STK40: variants seen among roughly 807,000 people sequenced by gnomAD.
STK40 encodes the protein serine/threonine kinase 40, also known as serine/threonine-protein kinase 40.
STK40 carries 13 observed loss-of-function variants against 47.9 expected under a neutral mutation model. The observed-to-expected ratio is 0.27, with a 90% CI of 0.18 to 0.43. The LOEUF is 0.43. STK40 is among the 20% of genes least tolerant of loss of function. The probability of loss-of-function intolerance (pLI) is 1.00; values close to 1 mark genes in which losing one functional copy is unlikely to be tolerated. For missense variants in STK40, 460 were observed against 595.1 expected, an observed-to-expected ratio of 0.77 and a Z score of 2.36; for synonymous variants, 225 against 243.2, an observed-to-expected ratio of 0.93 and a Z score of 0.69.
At position 36,358,386 on chromosome 1, in the gene STK40, T is replaced by C. The variant is rs750970159; in HGVS notation, c.199-4A>G. On this transcript the variant is annotated splice_polypyrimidine_tract_variant and splice_region_variant and intron_variant, in intron 3 of 10. Coordinates refer to ENST00000373132, the MANE Select transcript of STK40 (RefSeq NM_001282547.2). ...CCCTCTCCTCCAGGGTCAGGATCTT[T>C]AGGAAAGCATAAAAATAAAACCAAA... 6.3e-7 allele frequency: 1 copy of C among 1,588,606 alleles called. No homozygotes were observed. Among genetic ancestry groups the C allele is most frequent in the Non-Finnish European group, 8.6e-7 (1 of 1,160,808 alleles).
intron 1 of STK40, among the ~76,000 whole-genome samples, chr1:36,366,993 C>A (rs1261526264): frequency 6.7e-6 from 1 of 150,322 alleles, no homozygotes; most frequent in Non-Finnish European, 1.5e-5. Flanking sequence ...TACCACCACA[C>A]CCAGCTAATT....
intron 1 of STK40, among the ~76,000 whole-genome samples, chr1:36,363,230 G>A (rs1646869382): frequency 6.6e-6 from 1 of 152,144 alleles, no homozygotes; most frequent in Non-Finnish European, 1.5e-5. Context: ...TTGAACTGGG[G>A]AGGCGGAGGT....
At position 36,340,832 on chromosome 1, in the gene STK40, C is replaced by T. The variant is rs1449222932; in HGVS notation, c.*923G>A. On this transcript the variant is annotated 3_prime_UTR_variant, in exon 11 of 11. Transcript: ENST00000373132. Reference sequence around the variant, plus strand: ...TAGGCTAGGGGAGCGTGCAGGCAGCCCCCGCTCACGGCCAGGCCTGCAGCC... The same window carrying T: ...TAGGCTAGGGGAGCGTGCAGGCAGCTCCCGCTCACGGCCAGGCCTGCAGCC... 1 of 152,352 alleles carries T rather than the reference C, an allele frequency of 6.6e-6. No homozygotes were observed. The highest frequency in any genetic ancestry group is 1.5e-5 in the Non-Finnish European group (1 of 68,142). The allele number at this position is 152,352 out of a possible 1,614,324, so 9.4% of individuals were successfully genotyped here. A position where few individuals can be genotyped will look rare whatever the true frequency, so the allele number is the denominator to read the frequency against.
intron 5 of STK40, 70 bp downstream of exon 5, chr1:36,355,136 T>A: frequency 6.6e-7 from 1 of 1,517,436 alleles, no homozygotes; most frequent in Non-Finnish European, 9.1e-7. Flanking sequence ...CAGAGCTGCC[T>A]TCTGCTCAGC....
intron 1 of STK40, among the ~76,000 whole-genome samples, chr1:36,378,391 G>A (rs933165048): frequency 1.3e-5 from 2 of 152,186 alleles, no homozygotes; most frequent in African/African-American, 2.4e-5. Flanking sequence ...TAAAATAAGA[G>A]ACAACCCTTA....
At position 36,364,145 on chromosome 1, in the gene STK40, C is replaced by T. The variant is rs558037773; in HGVS notation, c.-8-2805G>A. ...CAGCCTGGGTGACAGAGCAAGACTC[C>T]GTCTCAAAAGAAAAAACAACAACAA... is the stretch of plus-strand genomic sequence containing the variant. On this transcript the variant is annotated intron_variant, in intron 1 of 10. Transcript: ENST00000373132. Among the ~76,000 whole-genome samples the T allele has an allele frequency of 9.2e-5, 14 of 152,056 alleles. No homozygotes were observed. The South Asian group carries it at 2.3e-3, about 25-fold the overall frequency.
chr1:36,345,936 C>T (rs1454967526), intron 7 of STK40, among the ~76,000 whole-genome samples: 2 of 135,316 alleles, frequency 1.5e-5, no homozygotes, highest in Non-Finnish European at 3.1e-5. Flanking sequence ...CTTTCAGCAA[C>T]GATCATGCCA....
chr1:36,358,793 T>C lies in STK40; in HGVS notation c.142A>G (p.Ser48Gly), dbSNP rs749387042. ...TTCCTCGCCAAACACTGCACTATGC[T>C]TGGCACCGGTGAGTTGCCCAGACGG... is the stretch of plus-strand genomic sequence containing the variant. The part of the protein sequence containing the change: ...GPRLGNSPVP[S>G]IVQCLARKDG... The change falls in exon 3 of 11, where the codon AGC becomes GGC. Residue 48 changes from serine to glycine, a missense_variant. Transcript: ENST00000373132. 6.2e-7 allele frequency: 1 copy of C among 1,614,158 alleles called. No homozygotes were observed. Among genetic ancestry groups the C allele is most frequent in the Admixed American group, 1.7e-5 (1 of 60,024 alleles).
rs186173058 is a variant in STK40 at position 36,343,490 on chromosome 1, A to G, written c.1005-42T>C. 69 of 1,569,906 alleles carry G rather than the reference A, an allele frequency of 4.4e-5. No homozygotes were observed. The African/African-American group carries it at 8.5e-4, about 19-fold the overall frequency. Reference sequence around the variant, plus strand: ...AGGTCAGGCTGGCCCCAGAGAGACCAGGTCCATTGATCCCAGACTTAACTG... The same window carrying G: ...AGGTCAGGCTGGCCCCAGAGAGACCGGGTCCATTGATCCCAGACTTAACTG... On this transcript the variant is annotated intron_variant, in intron 9 of 10. Transcript: ENST00000373132.
intron 7 of STK40, among the ~76,000 whole-genome samples, chr1:36,345,290 G>A (rs928841918): frequency 2.6e-5 from 4 of 152,218 alleles, no homozygotes; most frequent in Admixed American, 6.5e-5. Flanking sequence ...GGCAACCAGG[G>A]CCCAGTGAAG....
intron 1 of STK40, among the ~76,000 whole-genome samples, chr1:36,384,058 C>G (rs1278567942): frequency 1.4e-5 from 2 of 144,562 alleles, no homozygotes; most frequent in Admixed American, 1.4e-4. Flanking sequence ...GAGACAGAGT[C>G]TCACTCTGTT....
Position 36,358,711 on chromosome 1 carries a change from C to A in STK40, c.198+26G>T, listed in dbSNP as rs894524209. 4.3e-6 allele frequency: 7 copies of A among 1,612,090 alleles called. No individual in the cohort carries two copies. In the African/African-American group the frequency reaches 8.0e-5, roughly 18 times the overall value. On this transcript the variant is annotated intron_variant, in intron 3 of 10. Transcript: ENST00000373132. ...GGCATGACAGGCCCTGTTCCTGAGG[C>A]ACCCTCACCCCCATGTCTCACTTAC...
rs183917965 is a variant in STK40 at position 36,354,582 on chromosome 1, G to A, written c.571-166C>T. ...CAGATCAGGACAGTTCTAAGTTCGC[G>A]TGACCTGCGCGTCTGGATGGGGAAT... On this transcript the variant is annotated intron_variant, in intron 5 of 10. Transcript: ENST00000373132. Among the ~76,000 whole-genome samples the A allele has an allele frequency of 1.3e-4, 20 of 152,300 alleles. No homozygotes were observed. The East Asian group carries it at 3.7e-3, about 28-fold the overall frequency.
chr1:36,371,052 T>C (rs1244628725), intron 1 of STK40, among the ~76,000 whole-genome samples: 2 of 151,826 alleles, frequency 1.3e-5, no homozygotes, highest in Non-Finnish European at 1.5e-5. Flanking sequence ...AATTTTTGTA[T>C]TTTTAGTAGA....
In STK40 at chr1:36,341,961, C is replaced by A; in HGVS notation, c.1102G>T (p.Glu368Ter). Residue 368 changes from glutamate to a stop codon, truncating the protein, a stop_gained, in exon 11 of 11, where the codon GAG (glutamate) becomes TAG (stop). Transcript: ENST00000373132. LOFTEE classifies it high-confidence loss of function. The stretch of plus-strand genomic sequence containing the variant: ...TCAAACTCGTACTGGGAGCACTCCT[C>A]CGTCACCTTCGCCTTTGAGGCGGGG... ...ADSSQEAKVT[E>*]ECSQYEFENY... 1.2e-6 allele frequency: 2 copies of A among 1,613,278 alleles called. No individual in the cohort carries two copies. Among genetic ancestry groups the A allele is most frequent in the Non-Finnish European group, 1.7e-6 (2 of 1,179,558 alleles).
At position 36,348,815 on chromosome 1, in the gene STK40, C is replaced by T. The variant is rs1192232882; in HGVS notation, c.624G>A (p.Arg208=). Reference sequence around the variant, plus strand: ...AGTTGGTGATGGTTATCCGATGTGTCCTAGGAGTGGGAGACAGAGTGAACA... The same window carrying T: ...AGTTGGTGATGGTTATCCGATGTGTTCTAGGAGTGGGAGACAGAGTGAACA... ...LKLGNMVLNK[R]THRITITNFC... Residue 208 remains arginine, a splice_region_variant and synonymous_variant, in exon 7 of 11, where the codon AGG becomes AGA. Coordinates refer to ENST00000373132, the MANE Select transcript of STK40 (RefSeq NM_001282547.2). 1.2e-6 allele frequency: 2 copies of T among 1,600,162 alleles called. No individual in the cohort carries two copies. Among genetic ancestry groups the T allele is most frequent in the African/African-American group, 2.7e-5 (2 of 74,650 alleles).
Position 36,358,364 on chromosome 1 carries a change from T to A in STK40, c.217A>T (p.Arg73Trp). 6.2e-7 allele frequency: 1 copy of A among 1,603,640 alleles called. No homozygotes were observed. The highest frequency in any genetic ancestry group is 8.5e-7 in the Non-Finnish European group (1 of 1,171,488). ...YQLKILTLEE[R>W]GDQGIESQEE... Reference sequence around the variant, plus strand: ...TGGCTCTCTATGCCTTGGTCCCCCCTCTCCTCCAGGGTCAGGATCTTTAGG... The same window carrying A: ...TGGCTCTCTATGCCTTGGTCCCCCCACTCCTCCAGGGTCAGGATCTTTAGG... Residue 73 changes from arginine to tryptophan, a missense_variant, in exon 4 of 11, where the codon AGG becomes TGG. Arg to Trp is a moderately radical substitution (Grantham distance 101). Transcript: ENST00000373132.
chr1:36,369,740 C>T (rs1646929757), intron 1 of STK40, among the ~76,000 whole-genome samples: 1 of 152,214 alleles, frequency 6.6e-6, no homozygotes, highest in African/African-American at 2.4e-5. Context: ...TCTGACTCCC[C>T]CATCTCAGGC....
intron 1 of STK40, among the ~76,000 whole-genome samples, chr1:36,371,653 C>T (rs1017398852): frequency 6.8e-6 from 1 of 146,118 alleles, no homozygotes; most frequent in Non-Finnish European, 1.5e-5. Context: ...CCACTGTACT[C>T]CAGCCTGCGT....
Sources: allele counts gnomAD v4.1 joint callset (sites outside exome capture counted in the v4.1 genomes callset), GRCh38; gene constraint gnomAD v4.1.1; transcripts MANE v1.5; gene names NCBI Gene and HGNC (gene_info 2026-07-23, HGNC 2026-07-21).